COL19A1: variants seen among roughly 807,000 people sequenced by gnomAD.
COL19A1 encodes the protein collagen type XIX alpha 1 chain, also known as collagen alpha-1(XIX) chain.
Under a neutral mutation model 190.2 loss-of-function variants are expected in COL19A1, and 159 were observed. That is an observed-to-expected ratio of 0.84 (90% CI 0.73 to 0.95). The LOEUF (loss-of-function observed/expected upper bound fraction) is 0.95, where lower values mean the gene tolerates loss of function less well. Among genes scored for constraint, COL19A1 ranks in the 40% least tolerant of loss-of-function variants. COL19A1 has a pLI of 0.00. For synonymous variants in COL19A1, 509 were observed against 458.9 expected, an observed-to-expected ratio of 1.11 and a Z score of -1.39; for missense variants, 1,418 against 1,431.9, an observed-to-expected ratio of 0.99 and a Z score of 0.16.
At chr6:70,079,162 G>T (rs1171837109) in intron 15 of COL19A1, among the ~76,000 whole-genome samples, 5 of 152,218 alleles carry the variant, frequency 3.3e-5, no homozygotes, top group Non-Finnish European at 7.3e-5. Flanking sequence ...ACATCAAGGA[G>T]ATTGAATGAA....
At chr6:70,107,021 G>A (rs1428167539) in intron 16 of COL19A1, among the ~76,000 whole-genome samples, 1 of 152,130 alleles carries the variant, frequency 6.6e-6, no homozygotes, top group East Asian at 1.9e-4. Flanking sequence ...AGTGTCTTAG[G>A]GAATCCTTAC....
chr6:69,942,857 AAC>A lies in COL19A1; in HGVS notation c.936+4761_936+4762del, dbSNP rs560320617. Among the ~76,000 whole-genome samples the A allele has an allele frequency of 4.7e-3, 719 of 152,074 alleles. 8 individuals carry two copies. Among genetic ancestry groups the A allele is most frequent in the South Asian group, 0.024 (117 of 4,824 alleles). Reference sequence around the variant, plus strand: ...AGCGATTGTGAGTAGTGCTGTAATAAACACAGGCTTTCAGTTATCTTTTCACC... The same window carrying A: ...AGCGATTGTGAGTAGTGCTGTAATAAACAGGCTTTCAGTTATCTTTTCACC... On this transcript the variant is annotated intron_variant, in intron 9 of 50. Coordinates refer to ENST00000620364, the MANE Select transcript of COL19A1 (RefSeq NM_001858.6).
At chr6:70,110,792 G>A (rs1001026154) in intron 16 of COL19A1, among the ~76,000 whole-genome samples, 1 of 152,096 alleles carries the variant, frequency 6.6e-6, no homozygotes, top group African/African-American at 2.4e-5. Context: ...TAACATTATG[G>A]TGGAAAAAAT....
At chr6:70,186,336 A>G (rs1469957723) in intron 46 of COL19A1, among the ~76,000 whole-genome samples, 1 of 152,208 alleles carries the variant, frequency 6.6e-6, no homozygotes, top group Admixed American at 6.5e-5. Flanking sequence ...AAGTGTGCTA[A>G]TATTTTTTCT....
chr6:70,100,703 C>T (rs1002184969), intron 15 of COL19A1, among the ~76,000 whole-genome samples: 14 of 151,672 alleles, frequency 9.2e-5, no homozygotes, highest in African/African-American at 3.4e-4. Flanking sequence ...TCCATGTTGG[C>T]CTGACCTCAG....
chr6:69,898,972 T>C lies in COL19A1; in HGVS notation c.116T>C (p.Ile39Thr). 1.2e-6 allele frequency: 2 copies of C among 1,611,950 alleles called. No homozygotes were observed. Among genetic ancestry groups the C allele is most frequent in the Non-Finnish European group, 1.7e-6 (2 of 1,178,336 alleles). ...GAAGAGTCATGCCCTATCCTGAGAA[T>C]AGAGGGACATCAGCTGACATATGAC... Reference protein sequence around the residue: ...KTEESCPILRIEGHQLTYDNI... With the variant: ...KTEESCPILRTEGHQLTYDNI... The change falls in exon 3 of 51, where the codon ATA becomes ACA. Residue 39 changes from isoleucine (I) to threonine (T), a missense_variant. Physicochemically the swap from Ile to Thr is moderately conservative, Grantham distance 89. Transcript: ENST00000620364.
In COL19A1 at chr6:70,127,563, C is replaced by T. The variant is rs149085687; in HGVS notation, c.1342-2619C>T. Among the ~76,000 whole-genome samples, 515 of 152,232 alleles carry T rather than the reference C, an allele frequency of 3.4e-3. 3 individuals are homozygous for T. The highest frequency in any genetic ancestry group is 0.018 in the South Asian group (87 of 4,810). On this transcript the variant is annotated intron_variant, in intron 17 of 50. Transcript: ENST00000620364. ...GTGATTATATTAGTCTGTTTTCATG[C>T]TGCTGATAAAGACATACCCTAGACT...
intron 48 of COL19A1, among the ~76,000 whole-genome samples, chr6:70,191,624 A>G (rs1479643073): frequency 6.6e-6 from 1 of 152,198 alleles, no homozygotes; most frequent in Non-Finnish European, 1.5e-5. Flanking sequence ...TCATTGTCCT[A>G]AAACTCACCC....
At chr6:70,179,123 G>A (rs1766007970) in intron 42 of COL19A1, among the ~76,000 whole-genome samples, 1 of 152,096 alleles carries the variant, frequency 6.6e-6, no homozygotes, top group Admixed American at 6.6e-5. Flanking sequence ...TTCAGCACAG[G>A]CAAGCTGTGG....
At chr6:70,186,261 A>G (rs1766507060) in intron 46 of COL19A1, among the ~76,000 whole-genome samples, 1 of 152,220 alleles carries the variant, frequency 6.6e-6, no homozygotes, top group South Asian at 2.1e-4. Flanking sequence ...TAACTTATAA[A>G]ATAATTTTAA....
At position 70,070,038 on chromosome 6, in the gene COL19A1, T is replaced by C. The variant is rs116648696; in HGVS notation, c.1224+1562T>C. Among the ~76,000 whole-genome samples, 394 of 152,264 alleles carry C rather than the reference T, an allele frequency of 2.6e-3. 7 individuals carry two copies. Among genetic ancestry groups the C allele is most frequent in the African/African-American group, 9.0e-3 (374 of 41,564 alleles). ...GCCTAGGCTACCATCTTTTCCACCATTGATGTCCTTAAAGTGTGACAATCA... is the reference window on the plus strand; with the variant it reads ...GCCTAGGCTACCATCTTTTCCACCACTGATGTCCTTAAAGTGTGACAATCA... On this transcript the variant is annotated intron_variant, in intron 15 of 50. Coordinates refer to ENST00000620364, the MANE Select transcript of COL19A1 (RefSeq NM_001858.6).
chr6:70,027,428 T>C (rs1162641288), intron 12 of COL19A1, among the ~76,000 whole-genome samples: 3 of 152,174 alleles, frequency 2.0e-5, no homozygotes, highest in African/African-American at 7.2e-5. Context: ...CTTTTTCAAG[T>C]CAGACTGTCT....
intron 9 of COL19A1, among the ~76,000 whole-genome samples, chr6:69,953,050 T>C (rs1028791075): frequency 2.0e-5 from 3 of 152,008 alleles, no homozygotes; most frequent in Admixed American, 6.6e-5. Context: ...AATTTTAGAC[T>C]TCCTAAGTTT....
chr6:70,042,562 T>A (rs1582760556), intron 14 of COL19A1, among the ~76,000 whole-genome samples: 1 of 152,258 alleles, frequency 6.6e-6, no homozygotes, highest in South Asian at 2.1e-4. Context: ...ATCAGGGTGG[T>A]GGTTATTGAA....
chr6:70,068,361 A>T (rs1781366187), intron 14 of COL19A1, 62 bp from the exon 15 acceptor site: 1 of 1,039,568 alleles, frequency 9.6e-7, no homozygotes, highest in East Asian at 2.4e-5. Context: ...TTTTCACAAC[A>T]TTCTTTGTGA....
At chr6:70,026,936 T>G (rs574807264) in intron 12 of COL19A1, among the ~76,000 whole-genome samples, 1 of 152,298 alleles carries the variant, frequency 6.6e-6, no homozygotes, top group Non-Finnish European at 1.5e-5. Flanking sequence ...CATTGCTTAT[T>G]TTTCAGTGCT....
In COL19A1 at chr6:70,056,876, A is replaced by G. The variant is rs533797635; in HGVS notation, c.1171-11547A>G. ...CAAATTGAGTGATATTGTATAAACC[A>G]TCTTCACAGTTATCAGCATTAAATA... On this transcript the variant is annotated intron_variant, in intron 14 of 50. Coordinates refer to ENST00000620364, the MANE Select transcript of COL19A1 (RefSeq NM_001858.6). Among the ~76,000 whole-genome samples the G allele has an allele frequency of 2.6e-5, 4 of 152,250 alleles. No individual in the cohort carries two copies. The East Asian group carries it at 7.7e-4, about 29-fold the overall frequency.
intron 11 of COL19A1, among the ~76,000 whole-genome samples, chr6:69,989,040 A>G (rs1284307500): frequency 1.3e-5 from 2 of 151,856 alleles, no homozygotes; most frequent in Non-Finnish European, 2.9e-5. Flanking sequence ...GTCACATCTC[A>G]TTTCTCATAG....
intron 12 of COL19A1, among the ~76,000 whole-genome samples, chr6:70,027,649 A>G (rs566018904): frequency 6.6e-5 from 10 of 152,156 alleles, no homozygotes; most frequent in Non-Finnish European, 1.3e-4. Context: ...GCATGCTCAT[A>G]TGTCCATTCT....
Sources: gnomAD v4.1 joint callset for allele counts (sites outside exome capture counted in the v4.1 genomes callset) on GRCh38, gnomAD v4.1.1 for gene constraint, MANE v1.5 for transcripts, NCBI Gene and HGNC (gene_info 2026-07-23, HGNC 2026-07-21) for gene names.